Variants in NDUFS1 observed in about 807,000 individuals in gnomAD.
NDUFS1 encodes the protein NADH:ubiquinone oxidoreductase core subunit S1.
NDUFS1 carries 61 observed loss-of-function variants against 84.4 expected under a neutral mutation model. The ratio of observed to expected loss-of-function variants is 0.72; its 90% CI spans 0.59 to 0.89. The LOEUF (loss-of-function observed/expected upper bound fraction) is 0.89, where lower values mean the gene tolerates loss of function less well. Ranked by LOEUF, NDUFS1 falls within the 40% of genes least tolerant of loss-of-function variation. The pLI, the probability that NDUFS1 is intolerant of heterozygous loss-of-function variation, is 0.00. For synonymous variants in NDUFS1, 275 were observed against 290.0 expected, an observed-to-expected ratio of 0.95 and a Z score of 0.53; for missense variants, 891 against 890.0, an observed-to-expected ratio of 1.00 and a Z score of -0.01.
chr2:206,138,642 T>G (rs1691817464), intron 12 of NDUFS1, 28 bp from the exon 13 acceptor site: 1 of 1,611,632 alleles, frequency 6.2e-7, no homozygotes, highest in Non-Finnish European at 8.5e-7. Context: ...TTTTAAGAAG[T>G]AAATAACTAA....
At position 206,118,394 on chromosome 2, in the gene NDUFS1, G is replaced by C. The variant is rs1691008978; in HGVS notation, c.*5791C>G. 6.6e-6 allele frequency: 1 copy of C among 152,240 alleles called. No individual in the cohort carries two copies. Among genetic ancestry groups the C allele is most frequent in the Non-Finnish European group, 1.5e-5 (1 of 68,088 alleles). The allele number at this position is 152,240 out of a possible 1,614,324, so 9.4% of individuals were successfully genotyped here. ...TAATCCCAGCACTTTGGGAGGCTGA[G>C]GCAGGTGGATCACTTGAACTCAGGA... On this transcript the variant is annotated 3_prime_UTR_variant, in exon 19 of 19. Transcript: ENST00000233190.
At chr2:206,140,341 C>A (rs551246039) in intron 12 of NDUFS1, among the ~76,000 whole-genome samples, 17 of 151,966 alleles carry the variant, frequency 1.1e-4, no homozygotes, top group African/African-American at 4.1e-4. Context: ...AGAGCAAGAC[C>A]CCTAACACAA....
chr2:206,145,236 T>A (rs2105971629), intron 8 of NDUFS1, among the ~76,000 whole-genome samples: 1 of 152,240 alleles, frequency 6.6e-6, no homozygotes, highest in East Asian at 1.9e-4. Flanking sequence ...TACAGTGGCA[T>A]GATCATAATT....
At chr2:206,143,097 C>T (rs2105968690) in intron 10 of NDUFS1, among the ~76,000 whole-genome samples, 1 of 152,216 alleles carries the variant, frequency 6.6e-6, no homozygotes, top group Non-Finnish European at 1.5e-5. Context: ...ACTAATAATA[C>T]AAAAATCAGC....
chr2:206,138,738 C>T, intron 12 of NDUFS1, 124 bp from the exon 13 acceptor site: 1 of 1,086,348 alleles, frequency 9.2e-7, no homozygotes, highest in Non-Finnish European at 1.4e-6. Context: ...ATACATTTAA[C>T]AGATATGATT....
chr2:206,143,624 C>T lies in NDUFS1; in HGVS notation c.987+394G>A, dbSNP rs564539324. Reference sequence around the variant, plus strand: ...TGAGATGGAGTCTCGCTGTGTCACCCAGACTGGAGTGCAGTGGTGCGATCT... The same window carrying T: ...TGAGATGGAGTCTCGCTGTGTCACCTAGACTGGAGTGCAGTGGTGCGATCT... On this transcript the variant is annotated intron_variant, in intron 10 of 18. Transcript: ENST00000233190. Among the ~76,000 whole-genome samples, 20 of 152,066 alleles carry T rather than the reference C, an allele frequency of 1.3e-4. No homozygotes were observed. The South Asian group carries it at 3.7e-3, about 28-fold the overall frequency.
chr2:206,153,339 G>C (rs1049675441), intron 2 of NDUFS1, among the ~76,000 whole-genome samples: 11 of 151,984 alleles, frequency 7.2e-5, no homozygotes, highest in Middle Eastern at 3.4e-3. Flanking sequence ...GGGATTACAG[G>C]TGTGCCCCAC....
rs1692057509 is a variant in NDUFS1, at chr2:206,143,869, C to T, written c.987+149G>A. ...TAATAGCATAATATCTAGCATATGT[C>T]CTCAGTAGATGTCTGTAAAATGGAA... On this transcript the variant is annotated intron_variant, in intron 10 of 18. Coordinates refer to ENST00000233190, the MANE Select transcript of NDUFS1 (RefSeq NM_005006.7). The T allele has an allele frequency of 1.6e-5, 11 of 668,792 alleles. No homozygotes were observed. The South Asian group carries it at 1.8e-4, about 11-fold the overall frequency. 41.4% of individuals were successfully genotyped at this position (668,792 alleles called of 1,614,324 possible). A position where few individuals can be genotyped will look rare whatever the true frequency, so the allele number is the denominator to read the frequency against.
At chr2:206,145,068 T>C in intron 8 of NDUFS1, 42 bp from the exon 9 acceptor site, 1 of 1,540,520 alleles carries the variant, frequency 6.5e-7, no homozygotes, top group Non-Finnish European at 8.7e-7. Flanking sequence ...CTTTTGGGAA[T>C]AAAGAAAGTT....
In NDUFS1 at chr2:206,133,216, A is replaced by G. The variant is rs1259931206; in HGVS notation, c.1393-111T>C. The G allele has an allele frequency of 7.1e-6, 6 of 841,142 alleles. No individual in the cohort carries two copies. In the Admixed American group the frequency reaches 1.6e-4, roughly 23 times the overall value. The allele number at this position is 841,142 out of a possible 1,614,324, so 52.1% of individuals were successfully genotyped here. On this transcript the variant is annotated intron_variant, in intron 13 of 18. Transcript: ENST00000233190. ...GTCCCAAGTCTTAGGTGTAACATGAATGTCTTCAATTTGTTAGCCCAACAT... is the reference window on the plus strand; with the variant it reads ...GTCCCAAGTCTTAGGTGTAACATGAGTGTCTTCAATTTGTTAGCCCAACAT...
intron 15 of NDUFS1, among the ~76,000 whole-genome samples, chr2:206,129,752 C>T (rs979805325): frequency 4.6e-5 from 7 of 151,878 alleles, no homozygotes; most frequent in South Asian, 2.1e-4. Context: ...CCACCACGCT[C>T]GGCTAATTTT....
At chr2:206,128,948 T>C (rs781373175) in intron 15 of NDUFS1, among the ~76,000 whole-genome samples, 52 of 152,180 alleles carry the variant, frequency 3.4e-4, no homozygotes, top group African/African-American at 1.2e-3. Context: ...TTTGGTAAAG[T>C]AGACTGAAAT....
At chr2:206,138,658 G>A (rs748028553) in intron 12 of NDUFS1, 44 bp from the exon 13 acceptor site, 7 of 1,591,498 alleles carry the variant, frequency 4.4e-6, no homozygotes, top group Non-Finnish European at 6.0e-6. Context: ...ACTAAGCTAA[G>A]CAGTTACTGG....
chr2:206,129,279 A>G (rs2105947408), intron 15 of NDUFS1, among the ~76,000 whole-genome samples: 1 of 152,274 alleles, frequency 6.6e-6, no homozygotes, highest in South Asian at 2.1e-4. Flanking sequence ...TTTATTAAAA[A>G]TAACATTTTT....
At position 206,122,699 on chromosome 2, in the gene NDUFS1, A is replaced by G. The variant is rs560199177; in HGVS notation, c.*1486T>C. On this transcript the variant is annotated 3_prime_UTR_variant, in exon 19 of 19. Coordinates refer to ENST00000233190, the MANE Select transcript of NDUFS1 (RefSeq NM_005006.7). Reference sequence around the variant, plus strand: ...GGCTGAGTCTTTAGTGAAAGCAGAAAAGAATAAGGATTACAAAACAAATAA... The same window carrying G: ...GGCTGAGTCTTTAGTGAAAGCAGAAGAGAATAAGGATTACAAAACAAATAA... 6.6e-6 allele frequency: 1 copy of G among 151,780 alleles called. No individual in the cohort carries two copies. Among genetic ancestry groups the G allele is most frequent in the African/African-American group, 2.4e-5 (1 of 41,318 alleles). 9.4% of individuals were successfully genotyped at this position (151,780 alleles called of 1,614,324 possible).
intron 1 of NDUFS1, among the ~76,000 whole-genome samples, chr2:206,154,109 C>G (rs555454057): frequency 2.6e-5 from 4 of 152,222 alleles, no homozygotes; most frequent in Non-Finnish European, 5.9e-5. Flanking sequence ...CTAAGCATAG[C>G]TGTCTACTAA....
In NDUFS1 at chr2:206,147,846, T is replaced by C. The variant is rs1333370082; in HGVS notation, c.339-12A>G. On this transcript the variant is annotated splice_polypyrimidine_tract_variant and intron_variant, in intron 5 of 18. Transcript: ENST00000233190. Reference sequence around the variant, plus strand: ...CCATCACACCTTCCCTGTATGAAAATTGTAACATATAAAATGACTCTCAAA... The same window carrying C: ...CCATCACACCTTCCCTGTATGAAAACTGTAACATATAAAATGACTCTCAAA... 8.7e-6 allele frequency: 14 copies of C among 1,604,964 alleles called. No individual in the cohort carries two copies. The highest frequency in any genetic ancestry group is 1.2e-5 in the Non-Finnish European group (14 of 1,171,902).
chr2:206,124,638 G>T (rs369158426), intron 18 of NDUFS1, among the ~76,000 whole-genome samples: 1 of 152,120 alleles, frequency 6.6e-6, no homozygotes, highest in Non-Finnish European at 1.5e-5. Flanking sequence ...AGGAGATTGA[G>T]ACCATCCTGG....
intron 13 of NDUFS1, among the ~76,000 whole-genome samples, chr2:206,136,537 G>A (rs1440588648): frequency 6.6e-6 from 1 of 150,484 alleles, no homozygotes; most frequent in African/African-American, 2.4e-5. Context: ...GGGTTCAAGC[G>A]ATTCTCCACC....
Sources: allele counts gnomAD v4.1 joint callset (sites outside exome capture counted in the v4.1 genomes callset), GRCh38; gene constraint gnomAD v4.1.1; transcripts MANE v1.5; gene names NCBI Gene and HGNC (gene_info 2026-07-23, HGNC 2026-07-21).